The following PLCXD3 variants were observed in gnomAD, a reference collection of about 807,000 sequenced individuals.
PLCXD3 encodes the protein PI-PLC X domain-containing protein 3.
In PLCXD3, 19 loss-of-function variants were observed where a neutral mutation model predicts 25.5. The ratio of observed to expected loss-of-function variants is 0.75; its 90% CI spans 0.52 to 1.09. The LOEUF (loss-of-function observed/expected upper bound fraction) is 1.09. Ranked by LOEUF, PLCXD3 falls within the 50% of genes least tolerant of loss-of-function variation. The pLI, the probability that PLCXD3 is intolerant of heterozygous loss-of-function variation, is 0.00. For synonymous variants in PLCXD3, 174 were observed against 137.6 expected (o/e 1.26, Z -1.85); for missense variants, 411 against 388.1 (o/e 1.06, Z -0.50).
chr5:41,451,747 C>G (rs1747637655), intron 1 of PLCXD3, among the ~76,000 whole-genome samples: 1 of 151,832 alleles, frequency 6.6e-6, no homozygotes, highest in South Asian at 2.1e-4. Context: ...ACCCTAAGAA[C>G]TAGCTCTCCA....
intron 1 of PLCXD3, among the ~76,000 whole-genome samples, chr5:41,441,034 G>T (rs1445245680): frequency 1.3e-5 from 2 of 152,190 alleles, no homozygotes; most frequent in African/African-American, 4.8e-5. Flanking sequence ...TCTGGTTCTT[G>T]CAGTCCTTCC....
At chr5:41,374,072 A>G (rs889174766) in intron 2 of PLCXD3, among the ~76,000 whole-genome samples, 2 of 152,104 alleles carry the variant, frequency 1.3e-5, no homozygotes, top group Non-Finnish European at 2.9e-5. Context: ...GAACTAACTG[A>G]GCCTAGGGAG....
chr5:41,411,767 AT>A (rs143812182), intron 1 of PLCXD3, among the ~76,000 whole-genome samples: 14,734 of 148,680 alleles, frequency 0.099, 883 homozygotes, highest in Non-Finnish European at 0.12. Flanking sequence ...AATTTATAAT[AT>A]TTTTATAATA....
chr5:41,497,773 G>T (rs922661724), intron 1 of PLCXD3, among the ~76,000 whole-genome samples: 1 of 151,716 alleles, frequency 6.6e-6, no homozygotes, highest in Non-Finnish European at 1.5e-5. Flanking sequence ...TTGATCACAC[G>T]ATAGGCCCCA....
Position 41,448,951 on chromosome 5 carries a change from G to A in PLCXD3, c.103+61473C>T, listed in dbSNP as rs138221947. Among the ~76,000 whole-genome samples the A allele has an allele frequency of 2.5e-3, 387 of 152,194 alleles. 3 individuals are homozygous for A. Among genetic ancestry groups the A allele is most frequent in the African/African-American group, 8.5e-3 (353 of 41,534 alleles). The stretch of plus-strand genomic sequence containing the variant: ...TCTTCCATTTCAGTCAGACCCAAAT[G>A]CTAAACATGCACACCTTTCCCTTTC... On this transcript the variant is annotated intron_variant, in intron 1 of 2. Coordinates refer to ENST00000377801, the MANE Select transcript of PLCXD3 (RefSeq NM_001005473.3).
chr5:41,502,894 G>C (rs955755697), intron 1 of PLCXD3, among the ~76,000 whole-genome samples: 20 of 152,150 alleles, frequency 1.3e-4, no homozygotes, highest in African/African-American at 4.8e-4. Flanking sequence ...GACATGAAAG[G>C]GTGATGAAGA....
chr5:41,412,599 C>T (rs761722315), intron 1 of PLCXD3, among the ~76,000 whole-genome samples: 1 of 152,146 alleles, frequency 6.6e-6, no homozygotes, highest in Non-Finnish European at 1.5e-5. Context: ...TGATAATGAC[C>T]TTCTAATCAC....
rs1743125059 is a variant in PLCXD3, at chr5:41,311,014, T to G, written c.*2603A>C. On this transcript the variant is annotated 3_prime_UTR_variant, in exon 3 of 3. Coordinates refer to ENST00000377801, the MANE Select transcript of PLCXD3 (RefSeq NM_001005473.3). ...GACAAAGTTAATTCTAAGCAAACAC[T>G]ATGAGAAAGTATCTAGGTTCAAGAA... The G allele has an allele frequency of 6.6e-6, 1 of 152,192 alleles. No individual in the cohort carries two copies. The highest frequency in any genetic ancestry group is 1.5e-5 in the Non-Finnish European group (1 of 68,002). 9.4% of individuals were successfully genotyped at this position (152,192 alleles called of 1,614,324 possible).
chr5:41,364,295 C>A (rs1416025415), intron 2 of PLCXD3, among the ~76,000 whole-genome samples: 1 of 152,172 alleles, frequency 6.6e-6, no homozygotes, highest in Non-Finnish European at 1.5e-5. Flanking sequence ...AGAATTCTCA[C>A]CCTCAGTCTC....
chr5:41,387,756 T>G (rs1011265447), intron 1 of PLCXD3, among the ~76,000 whole-genome samples: 4 of 152,138 alleles, frequency 2.6e-5, no homozygotes, highest in Admixed American at 2.6e-4. Context: ...AGTAAAACAT[T>G]TATCAAGCAC....
Position 41,455,939 on chromosome 5 carries a change from G to A in PLCXD3, c.103+54485C>T, listed in dbSNP as rs74815256. On this transcript the variant is annotated intron_variant, in intron 1 of 2. Coordinates refer to ENST00000377801, the MANE Select transcript of PLCXD3 (RefSeq NM_001005473.3). ...ATATCACCATTGTGTTAAAAACAATGCATGTAAGATTGTCGCAAAGAATAG... is the reference window on the plus strand; with the variant it reads ...ATATCACCATTGTGTTAAAAACAATACATGTAAGATTGTCGCAAAGAATAG... Among the ~76,000 whole-genome samples the A allele has an allele frequency of 3.8e-3, 576 of 152,030 alleles. 6 individuals carry two copies. The highest frequency in any genetic ancestry group is 0.012 in the African/African-American group (484 of 41,498).
At chr5:41,484,001 GC>G (rs1748466076) in intron 1 of PLCXD3, among the ~76,000 whole-genome samples, 1 of 151,936 alleles carries the variant, frequency 6.6e-6, no homozygotes, top group Non-Finnish European at 1.5e-5. Flanking sequence ...TTTTGAGGAG[GC>G]AATTATTGAT....
chr5:41,417,026 G>T (rs889427568), intron 1 of PLCXD3, among the ~76,000 whole-genome samples: 1 of 152,126 alleles, frequency 6.6e-6, no homozygotes, highest in Admixed American at 6.6e-5. Context: ...ATTTAAGGTT[G>T]ATCTAGTAGA....
chr5:41,396,813 A>T (rs1746021407), intron 1 of PLCXD3, among the ~76,000 whole-genome samples: 1 of 152,242 alleles, frequency 6.6e-6, no homozygotes, highest in Admixed American at 6.5e-5. Flanking sequence ...TTCAGCAAAG[A>T]GACGACTGGA....
At chr5:41,474,334 C>T (rs35350798) in intron 1 of PLCXD3, among the ~76,000 whole-genome samples, 24,666 of 152,100 alleles carry the variant, frequency 0.16, 2,265 homozygotes, top group Middle Eastern at 0.21. Context: ...GGTGTGACTG[C>T]CCTCTGCATT....
rs535437192 is a variant in PLCXD3, at chr5:41,430,269, A to G, written c.104-47735T>C. On this transcript the variant is annotated intron_variant, in intron 1 of 2. Coordinates refer to ENST00000377801, the MANE Select transcript of PLCXD3 (RefSeq NM_001005473.3). ...AACTGTATGTAAATATAGTAAATAC[A>G]TACATTTTATTAATTTGCTTTCCAT... is the stretch of plus-strand genomic sequence containing the variant. Among the ~76,000 whole-genome samples, 9 of 152,334 alleles carry G rather than the reference A, an allele frequency of 5.9e-5. No homozygotes were observed. The South Asian group carries it at 1.0e-3, about 18-fold the overall frequency.
At chr5:41,440,752 C>T (rs1367607903) in intron 1 of PLCXD3, among the ~76,000 whole-genome samples, 2 of 152,062 alleles carry the variant, frequency 1.3e-5, no homozygotes, top group African/African-American at 4.8e-5. Flanking sequence ...ACCTGTTATA[C>T]CTCACGATAA....
At chr5:41,352,051 T>C (rs780955377) in intron 2 of PLCXD3, among the ~76,000 whole-genome samples, 7 of 152,206 alleles carry the variant, frequency 4.6e-5, no homozygotes. Context: ...AGTATTAACT[T>C]ATGCAAGCTA....
In PLCXD3 at chr5:41,408,459, T is replaced by C. The variant is rs568151361; in HGVS notation, c.104-25925A>G. Among the ~76,000 whole-genome samples, 12 of 152,228 alleles carry C rather than the reference T, an allele frequency of 7.9e-5. No homozygotes were observed. The East Asian group carries it at 2.3e-3, about 29-fold the overall frequency. On this transcript the variant is annotated intron_variant, in intron 1 of 2. Coordinates refer to ENST00000377801, the MANE Select transcript of PLCXD3 (RefSeq NM_001005473.3). ...CATACTTCTGCTTATCTGATCTGAG[T>C]TGTGATTATATGAGGACATTCTAAG...
Sources: allele counts gnomAD v4.1 joint callset (sites outside exome capture counted in the v4.1 genomes callset), GRCh38; gene constraint gnomAD v4.1.1; transcripts MANE v1.5; gene names NCBI Gene and HGNC (gene_info 2026-07-23, HGNC 2026-07-21).